Variants in DPM3 observed in about 807,000 individuals in gnomAD.
DPM3 encodes the protein dolichol-phosphate mannosyltransferase subunit 3.
Under a neutral mutation model 8.9 loss-of-function variants are expected in DPM3, and 7 were observed. That is an observed-to-expected ratio of 0.79 (90% confidence interval 0.45 to 1.48). The LOEUF is 1.48. Ranked by LOEUF, DPM3 falls within the 40% of genes most tolerant of loss-of-function variation. The pLI is 0.01. For synonymous variants in DPM3, 41 were observed against 56.3 expected (o/e 0.73, Z 1.22); for missense variants, 108 against 116.2 (o/e 0.93, Z 0.33).
Position 155,140,250 on chromosome 1 carries a change from G to A in DPM3, c.-5-5C>T. The A allele has an allele frequency of 1.9e-6, 3 of 1,613,858 alleles. No individual in the cohort carries two copies. The highest frequency in any genetic ancestry group is 2.5e-6 in the Non-Finnish European group (3 of 1,179,944). Reference sequence around the variant, plus strand: ...GCGCTAATTTCGTCATGGTCACTGCGAGAGAAGGAAGCAATGCTCCCCTGA... The same window carrying A: ...GCGCTAATTTCGTCATGGTCACTGCAAGAGAAGGAAGCAATGCTCCCCTGA... On this transcript the variant is annotated splice_polypyrimidine_tract_variant and splice_region_variant and intron_variant, in intron 1 of 1. Transcript: ENST00000368400.
In DPM3 at chr1:155,140,110, T is replaced by C. The variant is rs1557794912; in HGVS notation, c.131A>G (p.Tyr44Cys). The change falls in exon 2 of 2, where the codon TAC (tyrosine) becomes TGC (cysteine). Residue 44 changes from tyrosine (Y) to cysteine (C), a missense_variant. By Grantham distance (194) the Tyr-to-Cys change is radical (BLOSUM62 -2). Transcript: ENST00000368400. Reference sequence around the variant, plus strand: ...ATAGCAGCCGGCGGACACCAGCAAGTAGGCGGGCAGTGGCCACAGGACTTC... The same window carrying C: ...ATAGCAGCCGGCGGACACCAGCAAGCAGGCGGGCAGTGGCCACAGGACTTC... Reference protein sequence around the residue: ...CQEVLWPLPAYLLVSAGCYAL... With the variant: ...CQEVLWPLPACLLVSAGCYAL... 5 of 1,614,052 alleles carry C rather than the reference T, an allele frequency of 3.1e-6. No individual in the cohort carries two copies. Among genetic ancestry groups the C allele is most frequent in the Non-Finnish European group, 3.4e-6 (4 of 1,180,030 alleles).
Position 155,140,516 on chromosome 1 carries a change from G to C in DPM3, c.-31C>G. 1 of 627,410 alleles carries C rather than the reference G, an allele frequency of 1.6e-6. No individual in the cohort carries two copies. Among genetic ancestry groups the C allele is most frequent in the Admixed American group, 2.6e-5 (1 of 38,378 alleles). 38.9% of individuals were successfully genotyped at this position (627,410 alleles called of 1,614,324 possible). ...CTCTACCCCACGTCTCCCCTTCCCC[G>C]CGCGGCCCGGATGTTGGCGTCCGGA... On this transcript the variant is annotated 5_prime_UTR_variant, in exon 1 of 2. Coordinates refer to ENST00000368400, the MANE Select transcript of DPM3 (RefSeq NM_153741.2).
At position 155,139,936 on chromosome 1, in the gene DPM3, G is replaced by C; in HGVS notation, c.*26C>G. 3.8e-6 allele frequency: 6 copies of C among 1,578,828 alleles called. No individual in the cohort carries two copies. The highest frequency in any genetic ancestry group is 5.2e-6 in the Non-Finnish European group (6 of 1,161,446). ...TTAATGGGAAATGGGAGGAAGGGCT[G>C]TCCGCACAGGAATGGGGTTAGGCTG... is the stretch of plus-strand genomic sequence containing the variant. On this transcript the variant is annotated 3_prime_UTR_variant, in exon 2 of 2. Transcript: ENST00000368400.
rs1260826489 is a variant in DPM3 at position 155,139,958 on chromosome 1, GCT to G, written c.*2_*3del. Reference sequence around the variant, plus strand: ...GCTGTCCGCACAGGAATGGGGTTAGGCTGTCAGAAGCGCAGCCCCCTGCGGGC... The same window carrying G: ...GCTGTCCGCACAGGAATGGGGTTAGGGTCAGAAGCGCAGCCCCCTGCGGGC... On this transcript the variant is annotated 3_prime_UTR_variant, in exon 2 of 2. Transcript: ENST00000368400. 6.2e-7 allele frequency: 1 copy of G among 1,607,472 alleles called. No individual in the cohort carries two copies. The highest frequency in any genetic ancestry group is 1.1e-5 in the South Asian group (1 of 90,708).
intron 1 of DPM3, 117 bp from the exon 2 acceptor site, chr1:155,140,362 G>T: frequency 9.1e-7 from 1 of 1,100,514 alleles, no homozygotes; most frequent in Non-Finnish European, 1.4e-6. Context: ...GGGAATCGCC[G>T]ATCCCAGAGG....
intron 1 of DPM3, 91 bp from the exon 2 acceptor site, chr1:155,140,336 C>G: frequency 7.3e-7 from 1 of 1,378,114 alleles, no homozygotes; most frequent in Non-Finnish European, 1.0e-6. Flanking sequence ...AGCATTAAAA[C>G]CAGCCCTGGC....
chr1:155,140,062 CGA>C lies in DPM3; in HGVS notation c.177_178del (p.Tyr59Ter). 1 of 1,614,012 alleles carries C rather than the reference CGA, an allele frequency of 6.2e-7. No homozygotes were observed. The highest frequency in any genetic ancestry group is 8.5e-7 in the Non-Finnish European group (1 of 1,180,016). On this transcript the variant is annotated stop_gained and frameshift_variant, in exon 2 of 2. Coordinates refer to ENST00000368400, the MANE Select transcript of DPM3 (RefSeq NM_153741.2). LOFTEE classifies it high-confidence loss of function. ...CTCGCAGTCATGAAAAGTGGCCACA[CGA>C]TAGCCCACAGTGCCCAGGGCATAGC...
At position 155,140,196 on chromosome 1, in the gene DPM3, G is replaced by C. The variant is rs763687443; in HGVS notation, c.45C>G (p.Gly15=). 2.5e-6 allele frequency: 4 copies of C among 1,614,188 alleles called. No homozygotes were observed. The highest frequency in any genetic ancestry group is 2.7e-5 in the African/African-American group (2 of 75,072). ...CCGTGGTCAGGGCCACCCAGGTGGA[G>C]CCCAGGATCGCTAGTCCCCAAAGCC... ...AQWLWGLAIL[G]STWVALTTGA... The change falls in exon 2 of 2, where the codon GGC becomes GGG. Residue 15 remains glycine (G), a synonymous_variant. Coordinates refer to ENST00000368400, the MANE Select transcript of DPM3 (RefSeq NM_153741.2).
chr1:155,139,943 C>G lies in DPM3; in HGVS notation c.*19G>C. On this transcript the variant is annotated 3_prime_UTR_variant, in exon 2 of 2. Coordinates refer to ENST00000368400, the MANE Select transcript of DPM3 (RefSeq NM_153741.2). ...GAAATGGGAGGAAGGGCTGTCCGCA[C>G]AGGAATGGGGTTAGGCTGTCAGAAG... 1 of 1,583,768 alleles carries G rather than the reference C, an allele frequency of 6.3e-7. No homozygotes were observed. Among genetic ancestry groups the G allele is most frequent in the Non-Finnish European group, 8.6e-7 (1 of 1,163,194 alleles).
Position 155,140,193 on chromosome 1 carries a change from G to A in DPM3, c.48C>T (p.Ser16=), listed in dbSNP as rs753265590. ...CTCCCGTGGTCAGGGCCACCCAGGT[G>A]GAGCCCAGGATCGCTAGTCCCCAAA... is the stretch of plus-strand genomic sequence containing the variant. ...QWLWGLAILG[S]TWVALTTGAL... The change falls in exon 2 of 2, where the codon TCC becomes TCT. Residue 16 remains serine, a synonymous_variant. Coordinates refer to ENST00000368400, the MANE Select transcript of DPM3 (RefSeq NM_153741.2). The A allele has an allele frequency of 6.2e-7, 1 of 1,614,188 alleles. No homozygotes were observed. The highest frequency in any genetic ancestry group is 8.5e-7 in the Non-Finnish European group (1 of 1,180,036).
chr1:155,140,036 C>A lies in DPM3; in HGVS notation c.205G>T (p.Asp69Tyr), dbSNP rs1312870105. 1.2e-6 allele frequency: 2 copies of A among 1,613,944 alleles called. No individual in the cohort carries two copies. Among genetic ancestry groups the A allele is most frequent in the African/African-American group, 2.7e-5 (2 of 74,944 alleles). The change falls in exon 2 of 2, where the codon GAC becomes TAC. Residue 69 changes from aspartate to tyrosine, a missense_variant. By Grantham distance (160) the Asp-to-Tyr change is radical. Transcript: ENST00000368400. ...YRVATFHDCE[D>Y]AARELQSQIQ... ...TGGCTCTGCAGCTCGCGTGCGGCGTCCTCGCAGTCATGAAAAGTGGCCACA... is the reference window on the plus strand; with the variant it reads ...TGGCTCTGCAGCTCGCGTGCGGCGTACTCGCAGTCATGAAAAGTGGCCACA...
In DPM3 at chr1:155,139,900, A is replaced by C; in HGVS notation, c.*62T>G. ...CTCAAACTAAACGAAGTTAGAAAAT[A>C]AACTGGCTCTTTAATGGGAAATGGG... is the stretch of plus-strand genomic sequence containing the variant. On this transcript the variant is annotated 3_prime_UTR_variant, in exon 2 of 2. Coordinates refer to ENST00000368400, the MANE Select transcript of DPM3 (RefSeq NM_153741.2). 1 of 1,530,158 alleles carries C rather than the reference A, an allele frequency of 6.5e-7. No individual in the cohort carries two copies. Among genetic ancestry groups the C allele is most frequent in the Non-Finnish European group, 8.8e-7 (1 of 1,140,934 alleles). 94.8% of individuals were successfully genotyped at this position (1,530,158 alleles called of 1,614,324 possible).
chr1:155,140,190 G>A lies in DPM3; in HGVS notation c.51C>T (p.Thr17=). 1.9e-6 allele frequency: 3 copies of A among 1,614,184 alleles called. No individual in the cohort carries two copies. Among genetic ancestry groups the A allele is most frequent in the Non-Finnish European group, 2.5e-6 (3 of 1,180,024 alleles). The change falls in exon 2 of 2, where the codon ACC becomes ACT. Residue 17 remains threonine (T), a synonymous_variant. Transcript: ENST00000368400. ...AGGCTCCCGTGGTCAGGGCCACCCA[G>A]GTGGAGCCCAGGATCGCTAGTCCCC... ...WLWGLAILGS[T]WVALTTGALG... is the part of the protein sequence containing the mutation.
chr1:155,140,513 C>T lies in DPM3; in HGVS notation c.-28G>A. The T allele has an allele frequency of 3.2e-6, 2 of 629,648 alleles. No individual in the cohort carries two copies. The highest frequency in any genetic ancestry group is 1.8e-5 in the South Asian group (1 of 55,950). The allele number at this position is 629,648 out of a possible 1,614,324, so 39.0% of individuals were successfully genotyped here. On this transcript the variant is annotated 5_prime_UTR_variant, in exon 1 of 2. Coordinates refer to ENST00000368400, the MANE Select transcript of DPM3 (RefSeq NM_153741.2). The stretch of plus-strand genomic sequence containing the variant: ...TACCTCTACCCCACGTCTCCCCTTC[C>T]CCGCGCGGCCCGGATGTTGGCGTCC...
At position 155,140,217 on chromosome 1, in the gene DPM3, A is replaced by G; in HGVS notation, c.24T>C (p.Leu8=). 1 of 1,614,098 alleles carries G rather than the reference A, an allele frequency of 6.2e-7. No individual in the cohort carries two copies. Among genetic ancestry groups the G allele is most frequent in the Non-Finnish European group, 8.5e-7 (1 of 1,180,016 alleles). ...TGGAGCCCAGGATCGCTAGTCCCCAAAGCCACTGCGCTAATTTCGTCATGG... is the reference window on the plus strand; with the variant it reads ...TGGAGCCCAGGATCGCTAGTCCCCAGAGCCACTGCGCTAATTTCGTCATGG... MTKLAQW[L]WGLAILGSTW... Residue 8 remains leucine (L), a synonymous_variant, in exon 2 of 2, where the codon CTT becomes CTC. Transcript: ENST00000368400.
At position 155,139,902 on chromosome 1, in the gene DPM3, A is replaced by G. The variant is rs912122244; in HGVS notation, c.*60T>C. The G allele has an allele frequency of 7.1e-5, 109 of 1,532,678 alleles. No individual in the cohort carries two copies. The highest frequency in any genetic ancestry group is 9.2e-5 in the Non-Finnish European group (105 of 1,142,212). 94.9% of individuals were successfully genotyped at this position (1,532,678 alleles called of 1,614,324 possible). A position where few individuals can be genotyped will look rare whatever the true frequency, so the allele number is the denominator to read the frequency against. On this transcript the variant is annotated 3_prime_UTR_variant, in exon 2 of 2. Coordinates refer to ENST00000368400, the MANE Select transcript of DPM3 (RefSeq NM_153741.2). ...CAAACTAAACGAAGTTAGAAAATAA[A>G]CTGGCTCTTTAATGGGAAATGGGAG... is the stretch of plus-strand genomic sequence containing the variant.
rs1202332321 is a variant in DPM3 at position 155,140,513 on chromosome 1, C to A, written c.-28G>T. Reference sequence around the variant, plus strand: ...TACCTCTACCCCACGTCTCCCCTTCCCCGCGCGGCCCGGATGTTGGCGTCC... The same window carrying A: ...TACCTCTACCCCACGTCTCCCCTTCACCGCGCGGCCCGGATGTTGGCGTCC... On this transcript the variant is annotated 5_prime_UTR_variant, in exon 1 of 2. Coordinates refer to ENST00000368400, the MANE Select transcript of DPM3 (RefSeq NM_153741.2). The A allele has an allele frequency of 1.6e-6, 1 of 629,530 alleles. No individual in the cohort carries two copies. Among genetic ancestry groups the A allele is most frequent in the Non-Finnish European group, 2.9e-6 (1 of 343,450 alleles). The allele number at this position is 629,530 out of a possible 1,614,324, so 39.0% of individuals were successfully genotyped here. A position where few individuals can be genotyped will look rare whatever the true frequency, so the allele number is the denominator to read the frequency against.
chr1:155,140,424 C>T (rs894784396), intron 1 of DPM3, 67 bp downstream of exon 1: 2 of 729,572 alleles, frequency 2.7e-6, no homozygotes, highest in African/African-American at 1.7e-5. Flanking sequence ...ACCTTGCTAC[C>T]CCCTCTATAT....
At position 155,140,149 on chromosome 1, in the gene DPM3, G is replaced by A; in HGVS notation, c.92C>T (p.Pro31Leu). The A allele has an allele frequency of 6.2e-7, 1 of 1,614,160 alleles. No homozygotes were observed. The highest frequency in any genetic ancestry group is 1.1e-5 in the South Asian group (1 of 91,084). Residue 31 changes from proline (P) to leucine (L), a missense_variant, in exon 2 of 2, where the codon CCC becomes CTC. Physicochemically the swap from Pro to Leu is moderately conservative, Grantham distance 98. Transcript: ENST00000368400. ...CCACAGGACTTCCTGGCAGGACAAG[G>A]GCAGCTCCAGGCCCAAGGCTCCCGT... The part of the protein sequence containing the change: ...LTTGALGLEL[P>L]LSCQEVLWPL...
Sources: gnomAD v4.1 joint callset for allele counts on GRCh38, gnomAD v4.1.1 for gene constraint, MANE v1.5 for transcripts, NCBI Gene and HGNC (gene_info 2026-07-23, HGNC 2026-07-21) for gene names.